CREBBP: variants seen among roughly 807,000 people sequenced by gnomAD.
The protein encoded by CREBBP is CREB-binding protein.
A neutral mutation model predicts 265.0 loss-of-function variants in CREBBP; 19 were observed. The ratio of observed to expected loss-of-function variants is 0.07; its 90% CI spans 0.05 to 0.11. CREBBP has a LOEUF of 0.11. Among genes scored for constraint, CREBBP ranks in the 10% least tolerant of loss-of-function variants. The probability of loss-of-function intolerance (pLI) is 1.00; values close to 1 mark genes in which losing one functional copy is unlikely to be tolerated. For synonymous variants in CREBBP, 1,457 were observed against 1,223.7 expected (o/e 1.19, Z -3.98); for missense variants, 2,525 against 3,219.0 (o/e 0.78, Z 5.22).
chr16:3,863,349 T>C (rs562455854), intron 1 of CREBBP, among the ~76,000 whole-genome samples: 1 of 152,276 alleles, frequency 6.6e-6, no homozygotes, highest in South Asian at 2.1e-4. Flanking sequence ...ATGCCTGTAA[T>C]TCCAGTATTT....
chr16:3,849,072 C>A (rs970076409), intron 2 of CREBBP, among the ~76,000 whole-genome samples: 1 of 152,104 alleles, frequency 6.6e-6, no homozygotes, highest in African/African-American at 2.4e-5. Context: ...TAAACAAATC[C>A]AAAGAACAGC....
chr16:3,872,140 G>A (rs752844479), intron 1 of CREBBP, among the ~76,000 whole-genome samples: 3 of 152,086 alleles, frequency 2.0e-5, no homozygotes, highest in Non-Finnish European at 2.9e-5. Flanking sequence ...CTCAAAAATA[G>A]CCTTGCTTCC....
Position 3,727,640 on chromosome 16 carries a change from A to G in CREBBP, c.*78T>C. ...GGAAGTCGCAGTTCCATCTAGGAAT[A>G]AAAAGAACCTAGATGCCTGGATTTT... is the stretch of plus-strand genomic sequence containing the variant. On this transcript the variant is annotated 3_prime_UTR_variant, in exon 31 of 31. Transcript: ENST00000262367. The G allele has an allele frequency of 1.9e-6, 3 of 1,612,090 alleles. No individual in the cohort carries two copies. The highest frequency in any genetic ancestry group is 1.7e-5 in the Admixed American group (1 of 59,906).
At chr16:3,733,500 TAAC>T (rs2051972649) in intron 28 of CREBBP, among the ~76,000 whole-genome samples, 1 of 151,946 alleles carries the variant, frequency 6.6e-6, no homozygotes, top group Non-Finnish European at 1.5e-5. Context: ...AGTGTAGACT[TAAC>T]AATAATGCAT....
intron 26 of CREBBP, among the ~76,000 whole-genome samples, chr16:3,737,158 G>A (rs891577578): frequency 4.6e-5 from 7 of 152,110 alleles, no homozygotes; most frequent in Non-Finnish European, 8.8e-5. Context: ...AAGGCAGTTC[G>A]GTTGACTATT....
Position 3,739,643 on chromosome 16 carries a change from C to T in CREBBP, c.4215G>A (p.Val1405=), listed in dbSNP as rs1200640318. ...ALFAFEEIDG[V]DVCFFGMHVQ... is the part of the protein sequence containing the mutation. ...CGTGCATTCCAAAAAAGCAGACATC[C>T]ACGCCGTCAATTTCCTCAAAAGCAA... is the stretch of plus-strand genomic sequence containing the variant. The change falls in exon 25 of 31, where the codon GTG becomes GTA. Residue 1405 remains valine, a synonymous_variant. Transcript: ENST00000262367. 6.2e-7 allele frequency: 1 copy of T among 1,614,172 alleles called. No individual in the cohort carries two copies. Among genetic ancestry groups the T allele is most frequent in the African/African-American group, 1.3e-5 (1 of 75,030 alleles).
intron 1 of CREBBP, among the ~76,000 whole-genome samples, chr16:3,878,521 A>G (rs546908088): frequency 2.6e-5 from 4 of 152,376 alleles, no homozygotes; most frequent in Non-Finnish European, 5.9e-5. Context: ...GTCGCTTATC[A>G]TAACTTGATT....
At position 3,758,110 on chromosome 16, in the gene CREBBP, T is replaced by C. The variant is rs944339724; in HGVS notation, c.3370-62A>G. ...CCCCAATATCCAAATGCCAGTCTCA[T>C]CTGGCAGCTTTGTTTTAAAATAATA... On this transcript the variant is annotated intron_variant, in intron 17 of 30. Transcript: ENST00000262367. 3.2e-6 allele frequency: 5 copies of C among 1,553,886 alleles called. No individual in the cohort carries two copies. The African/African-American group carries it at 5.5e-5, about 17-fold the overall frequency.
Position 3,736,090 on chromosome 16 carries a change from T to A in CREBBP, c.4674A>T (p.Gln1558His). 4 of 1,614,238 alleles carry A rather than the reference T, an allele frequency of 2.5e-6. No homozygotes were observed. Among genetic ancestry groups the A allele is most frequent in the Non-Finnish European group, 3.4e-6 (4 of 1,180,036 alleles). The change falls in exon 28 of 31, where the codon CAA becomes CAT. Residue 1558 changes from glutamine (Q) to histidine (H), a missense_variant. Transcript: ENST00000262367. ...CTTCCTTTTTCCTCTCCTCTTCTTC[T>A]TGTTCTAGTTCCTTAATGCTCTCTT... ...VLEESIKELE[Q>H]EEEERKKEES...
chr16:3,879,127 G>A (rs1209431492), intron 1 of CREBBP, among the ~76,000 whole-genome samples: 1 of 152,026 alleles, frequency 6.6e-6, no homozygotes, highest in Non-Finnish European at 1.5e-5. Flanking sequence ...TTCTTTTGAA[G>A]TTATACATGG....
rs1230610112 is a variant in CREBBP, at chr16:3,773,883, A to G, written c.2331T>C (p.Gly777=). Residue 777 remains glycine (G), a synonymous_variant, in exon 13 of 31, where the codon GGT becomes GGC. Coordinates refer to ENST00000262367, the MANE Select transcript of CREBBP (RefSeq NM_004380.3). ...GGGCCATCATGTTGTTGGTGTGTGC[A>G]CCCATCATGTTCGGAGGCTGAGGCA... The part of the protein sequence containing the change: ...SRMPQPPNMM[G]AHTNNMMAQA... The G allele has an allele frequency of 1.2e-6, 2 of 1,612,230 alleles. No individual in the cohort carries two copies. The highest frequency in any genetic ancestry group is 2.2e-5 in the East Asian group (1 of 44,886).
chr16:3,751,909 A>AG (rs1001597566), intron 19 of CREBBP, 103 bp from the exon 20 acceptor site: 159 of 1,088,536 alleles, frequency 1.5e-4, no homozygotes, highest in Middle Eastern at 8.0e-4. Context: ...ACCACGACGA[A>AG]GGGGGGGCGT....
At chr16:3,824,848 G>A (rs1036310031) in intron 2 of CREBBP, among the ~76,000 whole-genome samples, 2 of 152,108 alleles carry the variant, frequency 1.3e-5, no homozygotes, top group African/African-American at 4.8e-5. Flanking sequence ...CAATCTCTAC[G>A]CCTCAATCAC....
chr16:3,824,106 G>A (rs771810346), intron 2 of CREBBP, among the ~76,000 whole-genome samples: 2 of 152,206 alleles, frequency 1.3e-5, no homozygotes, highest in African/African-American at 2.4e-5. Flanking sequence ...CAAGCCACAA[G>A]GAAATCAGAC....
chr16:3,752,764 T>G (rs1373644215), intron 19 of CREBBP, among the ~76,000 whole-genome samples: 1 of 152,166 alleles, frequency 6.6e-6, no homozygotes, highest in African/African-American at 2.4e-5. Context: ...GCAATCCAAG[T>G]TAAGTGAATT....
intron 1 of CREBBP, among the ~76,000 whole-genome samples, chr16:3,869,010 CTGGTAGCCCAG>C (rs1198241088): frequency 6.6e-6 from 1 of 152,202 alleles, no homozygotes; most frequent in Non-Finnish European, 1.5e-5. Context: ...CTCCTAAATT[CTGGTAGCCCAG>C]TGAACATAAC....
At chr16:3,857,922 T>C (rs2054996984) in intron 1 of CREBBP, among the ~76,000 whole-genome samples, 1 of 152,126 alleles carries the variant, frequency 6.6e-6, no homozygotes, top group African/African-American at 2.4e-5. Context: ...GAAGACCCAG[T>C]GAGGAATGAG....
At chr16:3,737,900 G>C (rs1485684394) in intron 26 of CREBBP, among the ~76,000 whole-genome samples, 2 of 151,654 alleles carry the variant, frequency 1.3e-5, no homozygotes, top group Non-Finnish European at 2.9e-5. Flanking sequence ...GAATTCTCCT[G>C]CCTCAGCCTC....
chr16:3,836,860 G>T (rs1056966762), intron 2 of CREBBP, among the ~76,000 whole-genome samples: 1 of 152,194 alleles, frequency 6.6e-6, no homozygotes, highest in African/African-American at 2.4e-5. Context: ...CAATGGCCTA[G>T]TGACGTAGTA....
Sources: gnomAD v4.1 joint callset for allele counts (sites outside exome capture counted in the v4.1 genomes callset) on GRCh38, gnomAD v4.1.1 for gene constraint, MANE v1.5 for transcripts, NCBI Gene and HGNC (gene_info 2026-07-23, HGNC 2026-07-21) for gene names.